LUZP2: variants seen among roughly 807,000 people sequenced by gnomAD.
The protein encoded by LUZP2 is leucine zipper protein 2.
LUZP2 carries 52 observed loss-of-function variants against 51.6 expected under a neutral mutation model. The ratio of observed to expected loss-of-function variants is 1.01; its 90% confidence interval spans 0.81 to 1.27. The LOEUF (loss-of-function observed/expected upper bound fraction) is 1.27, where lower values mean the gene tolerates loss of function less well. LUZP2 is among the 50% of genes most tolerant of loss of function. The probability of loss-of-function intolerance (pLI) is 0.00; values close to 1 mark genes in which losing one functional copy is unlikely to be tolerated. For synonymous variants in LUZP2, 154 were observed against 137.3 expected (o/e 1.12, Z -0.85); for missense variants, 436 against 395.4 (o/e 1.10, Z -0.87).
chr11:24,584,970 A>G (rs1328851264), intron 1 of LUZP2, among the ~76,000 whole-genome samples: 1 of 152,160 alleles, frequency 6.6e-6, no homozygotes, highest in Admixed American at 6.5e-5. Flanking sequence ...ATTCTTCTGA[A>G]AGCTCTGTGA....
intron 10 of LUZP2, among the ~76,000 whole-genome samples, chr11:25,067,227 A>C (rs1394354400): frequency 6.6e-6 from 1 of 151,788 alleles, no homozygotes; most frequent in Non-Finnish European, 1.5e-5. Context: ...TTTTTGATGA[A>C]GTTGTTTTTT....
intron 5 of LUZP2, among the ~76,000 whole-genome samples, chr11:24,843,150 A>G (rs1317020605): frequency 6.6e-6 from 1 of 152,030 alleles, no homozygotes; most frequent in African/African-American, 2.4e-5. Context: ...ACAAACATAT[A>G]TATTCATATA....
At chr11:24,515,525 T>C (rs1429117405) in intron 1 of LUZP2, among the ~76,000 whole-genome samples, 1 of 152,030 alleles carries the variant, frequency 6.6e-6, no homozygotes, top group Non-Finnish European at 1.5e-5. Flanking sequence ...ACATCCTTCA[T>C]AGAAGGAGAG....
chr11:24,941,324 ATTAT>A (rs1854738995), intron 7 of LUZP2, among the ~76,000 whole-genome samples: 1 of 152,198 alleles, frequency 6.6e-6, no homozygotes, highest in Non-Finnish European at 1.5e-5. Context: ...TCATGTCATC[ATTAT>A]TTATTTATGT....
chr11:24,973,891 G>T (rs1488620900), intron 7 of LUZP2, among the ~76,000 whole-genome samples: 1 of 152,064 alleles, frequency 6.6e-6, no homozygotes, highest in African/African-American at 2.4e-5. Flanking sequence ...ATACAGCAAT[G>T]AGAACAATGT....
At position 24,949,330 on chromosome 11, in the gene LUZP2, A is replaced by ATCTC. The variant is rs57384444; in HGVS notation, c.523-27257_523-27254dup. On this transcript the variant is annotated intron_variant, in intron 7 of 11. Coordinates refer to ENST00000336930, the MANE Select transcript of LUZP2 (RefSeq NM_001009909.4). ...TATCTATCTATCTATCTATCTATCT[A>ATCTC]TCTCTCTATCTATCTATGATCTAAA... Among the ~76,000 whole-genome samples, 325 of 34,320 alleles carry ATCTC rather than the reference A, an allele frequency of 9.5e-3. 1 individual carries two copies. The highest frequency in any genetic ancestry group is 0.015 in the Non-Finnish European group (214 of 14,676). The allele number at this position is 34,320 out of a possible 152,430, so 22.5% of individuals were successfully genotyped here. A position where few individuals can be genotyped will look rare whatever the true frequency, so the allele number is the denominator to read the frequency against.
intron 7 of LUZP2, among the ~76,000 whole-genome samples, chr11:24,949,499 T>C (rs1855012981): frequency 6.6e-6 from 1 of 151,642 alleles, no homozygotes; most frequent in South Asian, 2.1e-4. Flanking sequence ...AGTACACTGA[T>C]GTTGATGTTT....
chr11:24,665,351 G>A (rs1017514108), intron 1 of LUZP2, among the ~76,000 whole-genome samples: 3 of 152,118 alleles, frequency 2.0e-5, no homozygotes, highest in Admixed American at 2.0e-4. Context: ...CAGGCTCATA[G>A]GTCTGTAGGA....
intron 1 of LUZP2, among the ~76,000 whole-genome samples, chr11:24,573,263 G>T (rs1204362253): frequency 6.6e-6 from 1 of 151,962 alleles, no homozygotes; most frequent in Non-Finnish European, 1.5e-5. Flanking sequence ...TCTCAAGTAT[G>T]CTTCTTCGTG....
chr11:25,004,122 G>T lies in LUZP2; in HGVS notation c.765+20829G>T, dbSNP rs191943223. On this transcript the variant is annotated intron_variant, in intron 9 of 11. Coordinates refer to ENST00000336930, the MANE Select transcript of LUZP2 (RefSeq NM_001009909.4). ...AGTGAGGGTGATGACATGAGCTGGCGCTTGACCTGGGCACCCTGAGTCCAG... is the reference window on the plus strand; with the variant it reads ...AGTGAGGGTGATGACATGAGCTGGCTCTTGACCTGGGCACCCTGAGTCCAG... Among the ~76,000 whole-genome samples, 32 of 152,284 alleles carry T rather than the reference G, an allele frequency of 2.1e-4. 1 individual carries two copies. The East Asian group carries it at 5.2e-3, about 25-fold the overall frequency.
chr11:25,019,877 G>T (rs1857280655), intron 9 of LUZP2, among the ~76,000 whole-genome samples: 1 of 147,396 alleles, frequency 6.8e-6, no homozygotes, highest in Admixed American at 6.6e-5. Context: ...TCTTAAAAAT[G>T]ACTCTAGATT....
intron 5 of LUZP2, among the ~76,000 whole-genome samples, chr11:24,844,844 C>CACAAAAGTTAAGAATTGGGG (rs2134207790): frequency 6.6e-6 from 1 of 152,310 alleles, no homozygotes; most frequent in South Asian, 2.1e-4. Context: ...CCTGCAAGTG[C>CACAAAAGTTAAGAATTGGGG]ACAAAAGTTA....
intron 5 of LUZP2, among the ~76,000 whole-genome samples, chr11:24,862,530 T>A (rs1851770668): frequency 6.6e-6 from 1 of 152,142 alleles, no homozygotes; most frequent in African/African-American, 2.4e-5. Flanking sequence ...AATTCACACA[T>A]AACAATACTA....
intron 5 of LUZP2, among the ~76,000 whole-genome samples, chr11:24,857,431 G>T (rs1851604943): frequency 6.6e-6 from 1 of 151,168 alleles, no homozygotes; most frequent in Non-Finnish European, 1.5e-5. Flanking sequence ...ATATAAACAA[G>T]TAACATTAAT....
chr11:25,035,537 A>G (rs975214179), intron 9 of LUZP2, among the ~76,000 whole-genome samples: 1 of 152,104 alleles, frequency 6.6e-6, no homozygotes, highest in East Asian at 1.9e-4. Context: ...AAAACCAGGT[A>G]TGACACAAAT....
At chr11:24,981,549 C>T (rs1358040555) in intron 8 of LUZP2, among the ~76,000 whole-genome samples, 1 of 151,736 alleles carries the variant, frequency 6.6e-6, no homozygotes, top group Non-Finnish European at 1.5e-5. Flanking sequence ...AATGCCTAAC[C>T]TGGGAATGCA....
chr11:24,958,519 T>C (rs1855281432), intron 7 of LUZP2, among the ~76,000 whole-genome samples: 1 of 152,192 alleles, frequency 6.6e-6, no homozygotes, highest in Admixed American at 6.5e-5. Context: ...ATGAGCATTT[T>C]TTCATGTGTT....
intron 8 of LUZP2, among the ~76,000 whole-genome samples, chr11:24,976,919 A>G (rs576585308): frequency 2.6e-5 from 4 of 151,776 alleles, no homozygotes; most frequent in African/African-American, 9.6e-5. Context: ...TTTTCACCTC[A>G]CTGGTATATT....
At chr11:25,036,528 TC>T (rs1351996228) in intron 9 of LUZP2, among the ~76,000 whole-genome samples, 166 of 114,312 alleles carry the variant, frequency 1.5e-3, no homozygotes, top group Non-Finnish European at 2.9e-3. Flanking sequence ...GTTAGTTTGT[TC>T]TTTTTTTTTG....
Sources: gnomAD v4.1 joint callset for allele counts (sites outside exome capture counted in the v4.1 genomes callset) on GRCh38, gnomAD v4.1.1 for gene constraint, MANE v1.5 for transcripts, NCBI Gene and HGNC (gene_info 2026-07-23, HGNC 2026-07-21) for gene names.